Variants in NBEAL1 observed in about 807,000 individuals in gnomAD.
NBEAL1 encodes neurobeachin-like protein 1.
A neutral mutation model predicts 351.3 loss-of-function variants in NBEAL1; 273 were observed. The observed-to-expected ratio is 0.78, with a 90% CI of 0.70 to 0.86. NBEAL1 has a LOEUF of 0.86. Ranked by LOEUF, NBEAL1 falls within the 40% of genes least tolerant of loss-of-function variation. The pLI is 0.00. For missense variants in NBEAL1, 2,961 were observed against 3,201.3 expected (o/e 0.92, Z 1.81); for synonymous variants, 1,050 against 1,086.4 (o/e 0.97, Z 0.66).
intron 19 of NBEAL1, among the ~76,000 whole-genome samples, chr2:203,124,005 G>C (rs1181588403): frequency 6.6e-6 from 1 of 152,026 alleles, no homozygotes; most frequent in Admixed American, 6.6e-5. Context: ...TACACAAAGA[G>C]CTCTTCAAAA....
intron 4 of NBEAL1, among the ~76,000 whole-genome samples, chr2:203,055,329 G>A (rs1211814022): frequency 6.6e-6 from 1 of 152,036 alleles, no homozygotes; most frequent in Non-Finnish European, 1.5e-5. Context: ...TTGGGTGGGT[G>A]TGGTGGCTGA....
At chr2:203,132,416 A>C (rs1301717328) in intron 26 of NBEAL1, among the ~76,000 whole-genome samples, 1 of 152,230 alleles carries the variant, frequency 6.6e-6, no homozygotes, top group Non-Finnish European at 1.5e-5. Context: ...GTTTTTTCTT[A>C]AGGAGCTTAA....
At chr2:203,047,303 C>T (rs1175065571) in intron 3 of NBEAL1, among the ~76,000 whole-genome samples, 1 of 151,590 alleles carries the variant, frequency 6.6e-6, no homozygotes. Flanking sequence ...TGGCAACCAC[C>T]TGTCATGTAC....
At chr2:203,154,034 A>G (rs1239029477) in intron 35 of NBEAL1, among the ~76,000 whole-genome samples, 5 of 151,976 alleles carry the variant, frequency 3.3e-5, no homozygotes, top group Admixed American at 1.3e-4. Flanking sequence ...TCACGAGGTC[A>G]GGAGATCAAG....
chr2:203,180,406 C>A lies in NBEAL1; in HGVS notation c.6489C>A (p.Phe2163Leu). Residue 2163 changes from phenylalanine to leucine, a missense_variant, in exon 43 of 56, where the codon TTC (phenylalanine) becomes TTA (leucine). Coordinates refer to ENST00000683969, the MANE Select transcript of NBEAL1 (RefSeq NM_001378026.1). ...SGRFDCADRQFHSIPATWQAL... is the reference protein window; with the variant it reads ...SGRFDCADRQLHSIPATWQAL... ...GGTTTGACTGTGCAGATCGACAGTT[C>A]CATTCTATTCCTGCTACCTGGCAAG... 6.2e-7 allele frequency: 1 copy of A among 1,611,518 alleles called. No homozygotes were observed. The highest frequency in any genetic ancestry group is 1.1e-5 in the South Asian group (1 of 90,488).
At chr2:203,070,876 TGAACAC>T (rs2061671012) in intron 7 of NBEAL1, among the ~76,000 whole-genome samples, 1 of 152,166 alleles carries the variant, frequency 6.6e-6, no homozygotes, top group African/African-American at 2.4e-5. Context: ...GGATTACAGT[TGAACAC>T]GAGATTTCAG....
At chr2:203,080,399 G>C (rs766988575) in intron 8 of NBEAL1, among the ~76,000 whole-genome samples, 3 of 152,066 alleles carry the variant, frequency 2.0e-5, no homozygotes, top group Non-Finnish European at 2.9e-5. Context: ...GCAACAGAGC[G>C]AGACTTCATC....
At chr2:203,206,591 T>C (rs538482454) in intron 51 of NBEAL1, among the ~76,000 whole-genome samples, 2 of 36,914 alleles carry the variant, frequency 5.4e-5, no homozygotes, top group Admixed American at 4.3e-4. Flanking sequence ...GGTTTTCGTA[T>C]TTTTTGGGTG....
At chr2:203,156,524 G>A (rs1015431333) in intron 35 of NBEAL1, among the ~76,000 whole-genome samples, 2 of 152,092 alleles carry the variant, frequency 1.3e-5, no homozygotes, top group African/African-American at 2.4e-5. Flanking sequence ...CATGTACTTC[G>A]TTAATTAAAT....
intron 18 of NBEAL1, among the ~76,000 whole-genome samples, chr2:203,119,813 C>T (rs1477983841): frequency 1.3e-5 from 2 of 152,204 alleles, no homozygotes; most frequent in South Asian, 2.1e-4. Flanking sequence ...TTGTTTTGTC[C>T]TACTGTTTCA....
intron 51 of NBEAL1, among the ~76,000 whole-genome samples, chr2:203,204,244 T>TTA (rs1405712330): frequency 1.5e-5 from 2 of 136,762 alleles, no homozygotes; most frequent in African/African-American, 5.2e-5. Flanking sequence ...CTCTTTTTTT[T>TTA]AAAAAAAAAA....
At chr2:203,092,316 G>A (rs2062082308) in intron 10 of NBEAL1, among the ~76,000 whole-genome samples, 2 of 151,862 alleles carry the variant, frequency 1.3e-5, no homozygotes, top group African/African-American at 4.8e-5. Flanking sequence ...AGCACTTTGG[G>A]AAGCTGAGGC....
At chr2:203,145,629 C>G (rs1052839403) in intron 33 of NBEAL1, among the ~76,000 whole-genome samples, 8 of 151,638 alleles carry the variant, frequency 5.3e-5, no homozygotes, top group Non-Finnish European at 5.9e-5. Flanking sequence ...GAAACCCCAC[C>G]TCTACTGAAA....
intron 36 of NBEAL1, among the ~76,000 whole-genome samples, chr2:203,161,887 C>T (rs1219208019): frequency 1.3e-5 from 2 of 151,944 alleles, no homozygotes; most frequent in Non-Finnish European, 2.9e-5. Context: ...AAACAAACCC[C>T]TTGATCCAGT....
Position 203,107,489 on chromosome 2 carries a change from C to T in NBEAL1, c.1339C>T (p.Leu447=), listed in dbSNP as rs2062463532. The change falls in exon 13 of 56, where the codon CTG becomes TTG. Residue 447 remains leucine, a synonymous_variant. Transcript: ENST00000683969. ...EVLKSLGQPP[L]ELLKELMNMA... ...ATTAAAATCCCTGGGTCAGCCACCA[C>T]TGGAATTACTTAAAGAACTTATGAA... 1.3e-6 allele frequency: 2 copies of T among 1,551,142 alleles called. No individual in the cohort carries two copies. Among genetic ancestry groups the T allele is most frequent in the Non-Finnish European group, 1.7e-6 (2 of 1,146,200 alleles).
intron 19 of NBEAL1, among the ~76,000 whole-genome samples, chr2:203,123,186 T>C (rs1192682628): frequency 6.6e-6 from 1 of 151,708 alleles, no homozygotes; most frequent in Non-Finnish European, 1.5e-5. Context: ...AATACGTTTA[T>C]TATTTCAGTG....
intron 33 of NBEAL1, among the ~76,000 whole-genome samples, chr2:203,147,844 A>G (rs1254691274): frequency 6.6e-6 from 1 of 152,020 alleles, no homozygotes; most frequent in Non-Finnish European, 1.5e-5. Flanking sequence ...ACTAGTGTGT[A>G]GTCCTTATGA....
At chr2:203,086,514 A>T (rs1053549708) in intron 10 of NBEAL1, among the ~76,000 whole-genome samples, 14 of 152,198 alleles carry the variant, frequency 9.2e-5, no homozygotes, top group African/African-American at 3.4e-4. Context: ...AAAATGGAAC[A>T]GTTCATCCCC....
Position 203,056,441 on chromosome 2 carries a change from T to C in NBEAL1, c.320T>C (p.Val107Ala), listed in dbSNP as rs1356809828. ...FIILCRNLSN[V>A]EEIGTCSYIN... The stretch of plus-strand genomic sequence containing the variant: ...TTTTCTCACAGAAATCTATCAAATG[T>C]GGAAGAAATTGGGACTTGCTCGTAC... Residue 107 changes from valine to alanine, a missense_variant, in exon 5 of 56, where the codon GTG (valine) becomes GCG (alanine). Coordinates refer to ENST00000683969, the MANE Select transcript of NBEAL1 (RefSeq NM_001378026.1). The C allele has an allele frequency of 1.3e-6, 2 of 1,541,786 alleles. No individual in the cohort carries two copies. The highest frequency in any genetic ancestry group is 2.4e-5 in the East Asian group (1 of 41,480).
Sources: allele counts gnomAD v4.1 joint callset (sites outside exome capture counted in the v4.1 genomes callset), GRCh38; gene constraint gnomAD v4.1.1; transcripts MANE v1.5; gene names NCBI Gene and HGNC (gene_info 2026-07-23, HGNC 2026-07-21).